SLC44A5: variants seen among roughly 807,000 people sequenced by gnomAD.
SLC44A5 encodes solute carrier family 44 member 5.
In SLC44A5, 57 loss-of-function variants were observed where a neutral mutation model predicts 101.8. That is an observed-to-expected ratio of 0.56 (90% CI 0.45 to 0.70). The LOEUF (loss-of-function observed/expected upper bound fraction) is 0.70. Ranked by LOEUF, SLC44A5 falls within the 30% of genes least tolerant of loss-of-function variation. SLC44A5 has a pLI of 0.00. For synonymous variants in SLC44A5, 281 were observed against 290.9 expected, an observed-to-expected ratio of 0.97 and a Z score of 0.35; for missense variants, 737 against 853.1, an observed-to-expected ratio of 0.86 and a Z score of 1.70.
intron 2 of SLC44A5, among the ~76,000 whole-genome samples, chr1:75,505,023 AG>A (rs1669171078): frequency 6.6e-6 from 1 of 151,948 alleles, no homozygotes; most frequent in Non-Finnish European, 1.5e-5. Context: ...AGTAGTCTTC[AG>A]TGTCTATTTT....
the SLC44A5 span, among the ~76,000 whole-genome samples, chr1:75,716,008 A>G: frequency 6.6e-6 from 1 of 152,238 alleles, no homozygotes; most frequent in Non-Finnish European, 1.5e-5. Context: ...AAAGACATGA[A>G]CAGATACTTT....
At chr1:75,395,435 T>C (rs915677675) in intron 3 of SLC44A5, among the ~76,000 whole-genome samples, 1 of 152,148 alleles carries the variant, frequency 6.6e-6, no homozygotes, top group Non-Finnish European at 1.5e-5. Flanking sequence ...CAAAATAGCC[T>C]CTACAAAAGT....
At chr1:75,338,010 T>C (rs1657579044) in intron 4 of SLC44A5, among the ~76,000 whole-genome samples, 1 of 152,202 alleles carries the variant, frequency 6.6e-6, no homozygotes, top group African/African-American at 2.4e-5. Context: ...ACCCCAGTTA[T>C]TTTCCCGGTA....
the SLC44A5 span, among the ~76,000 whole-genome samples, chr1:75,675,401 TG>T: frequency 2.6e-5 from 4 of 152,158 alleles, no homozygotes; most frequent in Non-Finnish European, 4.4e-5. Flanking sequence ...TTTCACGATT[TG>T]GCTCTCTGCT....
intron 1 of SLC44A5, among the ~76,000 whole-genome samples, chr1:75,578,589 T>C (rs772179489): frequency 1.1e-4 from 17 of 152,256 alleles, no homozygotes; most frequent in Non-Finnish European, 2.1e-4. Flanking sequence ...ACAGTCAAAT[T>C]TGCAGAAACA....
chr1:75,359,756 C>G (rs1450485782), intron 3 of SLC44A5, among the ~76,000 whole-genome samples: 2 of 152,082 alleles, frequency 1.3e-5, no homozygotes, highest in African/African-American at 2.4e-5. Context: ...TACCATTTTC[C>G]CATAATGACT....
intron 2 of SLC44A5, among the ~76,000 whole-genome samples, chr1:75,411,267 G>A (rs777585275): frequency 5.9e-5 from 9 of 152,062 alleles, no homozygotes; most frequent in Middle Eastern, 3.2e-3. Context: ...CAAGTCCAAT[G>A]AGGCAGGAAA....
intron 2 of SLC44A5, among the ~76,000 whole-genome samples, chr1:75,462,661 T>C (rs548414965): frequency 6.7e-6 from 1 of 149,926 alleles, no homozygotes; most frequent in South Asian, 2.1e-4. Flanking sequence ...TTCAAAATGC[T>C]ATCAGAAAAA....
chr1:75,499,823 G>T (rs150792943), intron 2 of SLC44A5, among the ~76,000 whole-genome samples: 6 of 152,260 alleles, frequency 3.9e-5, no homozygotes, highest in African/African-American at 9.6e-5. Flanking sequence ...GAGAATAGCT[G>T]TCCGCCAACT....
chr1:75,662,808 A>G, the SLC44A5 span, among the ~76,000 whole-genome samples: 2 of 152,056 alleles, frequency 1.3e-5, no homozygotes, highest in Non-Finnish European at 2.9e-5. Context: ...CTTTCTGTGT[A>G]CTTATTATAT....
In SLC44A5 at chr1:75,440,171, A is replaced by G. The variant is rs115360202; in HGVS notation, c.14-43550T>C. On this transcript the variant is annotated intron_variant, in intron 2 of 23. Coordinates refer to ENST00000370859, the MANE Select transcript of SLC44A5 (RefSeq NM_001130058.2). Reference sequence around the variant, plus strand: ...GGTGGGAACAGATAATGAAAATGTAATTAAATATGTCAGATACAATGGTGC... The same window carrying G: ...GGTGGGAACAGATAATGAAAATGTAGTTAAATATGTCAGATACAATGGTGC... 1.5e-3 allele frequency among the ~76,000 whole-genome samples: 225 copies of G among 152,276 alleles called. 2 individuals carry two copies. Among genetic ancestry groups the G allele is most frequent in the Middle Eastern group, 0.01 (3 of 294 alleles).
chr1:75,349,838 TTAAACTTTTA>T, intron 3 of SLC44A5, among the ~76,000 whole-genome samples: 1 of 152,168 alleles, frequency 6.6e-6, no homozygotes, highest in Non-Finnish European at 1.5e-5. Flanking sequence ...TGAATGCATT[TTAAACTTTTA>T]TAAGTATGCA....
chr1:75,632,282 G>A, the SLC44A5 span, among the ~76,000 whole-genome samples: 2 of 151,944 alleles, frequency 1.3e-5, no homozygotes, highest in Admixed American at 6.6e-5. Flanking sequence ...CTTCTTTAGA[G>A]ACATTCTTAT....
In SLC44A5 at chr1:75,302,267, G is replaced by A. The variant is rs138189913; in HGVS notation, c.102-1582C>T. 5.2e-3 allele frequency among the ~76,000 whole-genome samples: 790 copies of A among 151,666 alleles called. 9 individuals carry two copies. Among genetic ancestry groups the A allele is most frequent in the African/African-American group, 0.018 (738 of 41,352 alleles). ...AGCAGTTGTTACATACCTCAACACC[G>A]AATAGAAAATGCATACAGGTAAGAA... On this transcript the variant is annotated intron_variant, in intron 4 of 23. Coordinates refer to ENST00000370859, the MANE Select transcript of SLC44A5 (RefSeq NM_001130058.2).
upstream of SLC44A5, among the ~76,000 whole-genome samples, chr1:75,613,850 G>A (rs917506476): frequency 2.6e-5 from 4 of 152,186 alleles, no homozygotes; most frequent in African/African-American, 7.2e-5. Flanking sequence ...TTGAGGGGAC[G>A]GAAGAATAAA....
In SLC44A5 at chr1:75,218,543, T is replaced by G. The variant is rs1570383488; in HGVS notation, c.1476A>C (p.Lys492Asn). The G allele has an allele frequency of 6.2e-7, 1 of 1,613,704 alleles. No homozygotes were observed. Among genetic ancestry groups the G allele is most frequent in the Non-Finnish European group, 8.5e-7 (1 of 1,179,724 alleles). ...GTGGATATCGTGGGATGTCATCAGG[T>G]TTTTTCATGGCCCAGTAATAAGTAG... The part of the protein sequence containing the change: ...AFATYYWAMK[K>N]PDDIPRYPLF... The change falls in exon 17 of 24, where the codon AAA (lysine) becomes AAC (asparagine). Residue 492 changes from lysine (K) to asparagine (N), a missense_variant. Lys to Asn is a moderately conservative substitution (Grantham distance 94, BLOSUM62 0). This residue lies in a region of SLC44A5 where 665 missense variants were observed against 764.4 expected (regional missense o/e 0.87). Transcript: ENST00000370859.
chr1:75,387,369 A>G (rs2101317242), intron 3 of SLC44A5, among the ~76,000 whole-genome samples: 1 of 128,942 alleles, frequency 7.8e-6, no homozygotes, highest in South Asian at 2.9e-4. Flanking sequence ...TACAAGAAAA[A>G]AACAAACAAC....
intron 2 of SLC44A5, among the ~76,000 whole-genome samples, chr1:75,491,442 T>G (rs1668419412): frequency 6.6e-6 from 1 of 152,152 alleles, no homozygotes; most frequent in Non-Finnish European, 1.5e-5. Context: ...GAGTTGAAGA[T>G]TTCCTGTTAC....
chr1:75,215,338 C>T (rs552400595), intron 19 of SLC44A5, among the ~76,000 whole-genome samples: 4 of 152,132 alleles, frequency 2.6e-5, no homozygotes, highest in Non-Finnish European at 5.9e-5. Context: ...AATGTCCACA[C>T]ATTTCAACAC....
Sources: allele counts gnomAD v4.1 joint callset (sites outside exome capture counted in the v4.1 genomes callset), GRCh38; gene constraint gnomAD v4.1.1; regional missense constraint gnomAD v4.1.1; transcripts MANE v1.5; gene names NCBI Gene and HGNC (gene_info 2026-07-23, HGNC 2026-07-21).